BIRC6: variants seen among roughly 807,000 people sequenced by gnomAD.
BIRC6 encodes the protein baculoviral IAP repeat containing 6, also known as dual E2 ubiquitin-conjugating enzyme/E3 ubiquitin-protein ligase BIRC6.
In BIRC6, 98 loss-of-function variants were observed where a neutral mutation model predicts 503.3. That is an observed-to-expected ratio of 0.19 (90% confidence interval 0.17 to 0.23). The LOEUF is 0.23. BIRC6 is among the 10% of genes least tolerant of loss of function. The probability of loss-of-function intolerance (pLI) is 1.00; values close to 1 mark genes in which losing one functional copy is unlikely to be tolerated. For missense variants in BIRC6, 5,360 were observed against 5,806.0 expected (o/e 0.92, Z 2.50); for synonymous variants, 2,240 against 2,078.7 (o/e 1.08, Z -2.11).
chr2:32,558,081 T>G (rs953954112), intron 65 of BIRC6, among the ~76,000 whole-genome samples: 5 of 152,144 alleles, frequency 3.3e-5, no homozygotes, highest in South Asian at 2.1e-4. Context: ...TCTTGCGTAG[T>G]TTTTCAGTGT....
chr2:32,574,759 T>A (rs2151026339), intron 65 of BIRC6: 1 of 267,834 alleles, frequency 3.7e-6, no homozygotes, highest in East Asian at 9.7e-5. Context: ...TCAGCTGTAA[T>A]TTTTTTGAGA....
intron 61 of BIRC6, among the ~76,000 whole-genome samples, chr2:32,537,738 G>T (rs554187914): frequency 3.9e-4 from 59 of 152,206 alleles, no homozygotes; most frequent in African/African-American, 1.3e-3. Context: ...AGGCCGAGGC[G>T]GGCGGATCAC....
chr2:32,588,939 C>G (rs1183539660), intron 66 of BIRC6, among the ~76,000 whole-genome samples: 2 of 152,138 alleles, frequency 1.3e-5, no homozygotes, highest in East Asian at 3.8e-4. Flanking sequence ...GTCATTCCAG[C>G]TGGTATTATC....
chr2:32,553,745 C>T (rs2058600269), intron 65 of BIRC6, among the ~76,000 whole-genome samples: 1 of 152,050 alleles, frequency 6.6e-6, no homozygotes, highest in Non-Finnish European at 1.5e-5. Flanking sequence ...ACAGCAGAAA[C>T]ATAAATCTTC....
chr2:32,590,509 C>A (rs2061328846), intron 66 of BIRC6, among the ~76,000 whole-genome samples: 1 of 152,110 alleles, frequency 6.6e-6, no homozygotes, highest in South Asian at 2.1e-4. Flanking sequence ...TTATAAAATA[C>A]CATAATTCTG....
chr2:32,369,832 T>G (rs1442320987), intron 1 of BIRC6, among the ~76,000 whole-genome samples: 1 of 149,096 alleles, frequency 6.7e-6, no homozygotes, highest in African/African-American at 2.5e-5. Context: ...GTTGCACACC[T>G]GTAGTCCTAG....
At chr2:32,395,377 ATAT>A (rs1241120040) in intron 5 of BIRC6, 131 bp from the exon 6 acceptor site, 1 of 626,902 alleles carries the variant, frequency 1.6e-6, no homozygotes, top group Non-Finnish European at 2.7e-6. Flanking sequence ...GTTGGACCTA[ATAT>A]TATAGGCTAA....
chr2:32,444,253 A>T (rs2045728996), intron 20 of BIRC6, among the ~76,000 whole-genome samples: 1 of 152,188 alleles, frequency 6.6e-6, no homozygotes, highest in Non-Finnish European at 1.5e-5. Context: ...TATATTTCAG[A>T]ATAGTTAAAA....
At chr2:32,419,206 A>G (rs573460603) in intron 10 of BIRC6, among the ~76,000 whole-genome samples, 2 of 152,328 alleles carry the variant, frequency 1.3e-5, no homozygotes, top group South Asian at 4.1e-4. Flanking sequence ...TACATGTATG[A>G]TTTTTAAAAA....
Position 32,443,600 on chromosome 2 carries a change from T to TA in BIRC6, c.4336+14dup, listed in dbSNP as rs773783897. 12 of 1,552,748 alleles carry TA rather than the reference T, an allele frequency of 7.7e-6. No individual in the cohort carries two copies. The South Asian group carries it at 1.3e-4, about 17-fold the overall frequency. On this transcript the variant is annotated intron_variant, in intron 20 of 73. Transcript: ENST00000421745. ...AGCAACAACTGGTGGTATGTAAAAT[T>TA]AATTTAATCACAAATAGTTATAGTC...
chr2:32,479,531 C>G lies in BIRC6; in HGVS notation c.7322C>G (p.Thr2441Arg). ...EGTVGDDVGATAGDSDDSLQQ... is the reference protein window; with the variant it reads ...EGTVGDDVGARAGDSDDSLQQ... ...ACAGTGGGTGATGATGTAGGTGCGA[C>G]AGCTGGTGACTCTGATGACTCCCTT... The change falls in exon 37 of 74, where the codon ACA becomes AGA. Residue 2441 changes from threonine to arginine, a missense_variant. This residue lies in a region of BIRC6 where 2,299 missense variants were observed against 2,267.2 expected (regional missense o/e 1.01). Coordinates refer to ENST00000421745, the MANE Select transcript of BIRC6 (RefSeq NM_016252.4). The G allele has an allele frequency of 6.2e-7, 1 of 1,606,472 alleles. No individual in the cohort carries two copies. The highest frequency in any genetic ancestry group is 8.5e-7 in the Non-Finnish European group (1 of 1,176,100).
intron 22 of BIRC6, among the ~76,000 whole-genome samples, chr2:32,453,010 C>T (rs1306468733): frequency 6.6e-6 from 1 of 151,576 alleles, no homozygotes; most frequent in African/African-American, 2.4e-5. Context: ...CCATTCTTTT[C>T]ATCTGTGAAT....
chr2:32,444,643 C>T (rs79683773), intron 20 of BIRC6, among the ~76,000 whole-genome samples: 4,101 of 152,054 alleles, frequency 0.027, 102 homozygotes, highest in African/African-American at 0.071. Context: ...CCCAGCACTT[C>T]GGGAGGCCAT....
At chr2:32,521,124 G>C (rs775594532) in intron 57 of BIRC6, among the ~76,000 whole-genome samples, 1 of 151,270 alleles carries the variant, frequency 6.6e-6, no homozygotes, top group Non-Finnish European at 1.5e-5. Context: ...GATTTTTTTT[G>C]GTTCTTTAAA....
At chr2:32,397,616 G>GTGTATA (rs1553396720) in intron 6 of BIRC6, among the ~76,000 whole-genome samples, 4 of 137,590 alleles carry the variant, frequency 2.9e-5, no homozygotes, top group African/African-American at 8.0e-5. Flanking sequence ...ATATATGTGT[G>GTGTATA]TATATATATA....
chr2:32,367,294 C>G (rs1442591988), intron 1 of BIRC6, among the ~76,000 whole-genome samples: 1 of 151,986 alleles, frequency 6.6e-6, no homozygotes, highest in Non-Finnish European at 1.5e-5. Context: ...AAAACCCTGT[C>G]TCTACTAAAA....
intron 1 of BIRC6, among the ~76,000 whole-genome samples, chr2:32,369,951 T>C (rs369761718): frequency 1.2e-4 from 4 of 32,616 alleles, no homozygotes; most frequent in Admixed American, 9.2e-4. Flanking sequence ...AAAAAATATA[T>C]ATATATATAT....
intron 61 of BIRC6, among the ~76,000 whole-genome samples, chr2:32,534,391 A>AG (rs11422835): frequency 6.7e-6 from 1 of 149,658 alleles, no homozygotes; most frequent in Non-Finnish European, 1.5e-5. Flanking sequence ...AAAAAAAAAA[A>AG]GAGACACTGC....
chr2:32,410,849 C>T (rs7570778), intron 9 of BIRC6, among the ~76,000 whole-genome samples: 4,465 of 151,556 alleles, frequency 0.029, 129 homozygotes, highest in African/African-American at 0.08. Flanking sequence ...TGCCGGTGCC[C>T]GCCAGCACGC....
Sources: allele counts gnomAD v4.1 joint callset (sites outside exome capture counted in the v4.1 genomes callset), GRCh38; gene constraint gnomAD v4.1.1; regional missense constraint gnomAD v4.1.1; transcripts MANE v1.5; gene names NCBI Gene and HGNC (gene_info 2026-07-23, HGNC 2026-07-21).